Variants in GRM7 observed in about 807,000 individuals in gnomAD.
GRM7 encodes glutamate metabotropic receptor 7.
GRM7 carries 35 observed loss-of-function variants against 84.5 expected under a neutral mutation model. That is an observed-to-expected ratio of 0.41 (90% CI 0.32 to 0.55). The LOEUF is 0.55. GRM7 is among the 20% of genes least tolerant of loss of function. GRM7 has a pLI of 0.19. For missense variants in GRM7, 1,003 were observed against 1,194.6 expected (o/e 0.84, Z 2.36); for synonymous variants, 487 against 455.1 (o/e 1.07, Z -0.89).
At chr3:7,566,116 T>TTG (rs1559406797) in intron 7 of GRM7, among the ~76,000 whole-genome samples, 3 of 149,304 alleles carry the variant, frequency 2.0e-5, no homozygotes, top group Admixed American at 6.7e-5. Flanking sequence ...TTTTTTTTTT[T>TTG]TTTTTTTTTT....
intron 7 of GRM7, among the ~76,000 whole-genome samples, chr3:7,507,078 T>C (rs1700061951): frequency 6.6e-6 from 1 of 152,158 alleles, no homozygotes; most frequent in South Asian, 2.1e-4. Context: ...GCCTGACAGA[T>C]TGTGGGCATT....
At chr3:7,193,746 G>A (rs1354497808) in intron 2 of GRM7, among the ~76,000 whole-genome samples, 1 of 151,582 alleles carries the variant, frequency 6.6e-6, no homozygotes, top group Non-Finnish European at 1.5e-5. Flanking sequence ...GATTTATTAA[G>A]TTAAAAACAG....
chr3:7,680,855 A>G (rs929705533), intron 9 of GRM7: 2 of 154,614 alleles, frequency 1.3e-5, no homozygotes, highest in Non-Finnish European at 1.4e-5. Flanking sequence ...GGGGAAAAAC[A>G]TATCTACCAT....
chr3:7,000,168 CTTT>C (rs35703323), intron 1 of GRM7, among the ~76,000 whole-genome samples: 5 of 77,716 alleles, frequency 6.4e-5, no homozygotes, highest in African/African-American at 1.5e-4. Flanking sequence ...GAGGTTGTGA[CTTT>C]TTTTTTTTTT....
At chr3:6,967,231 C>T (rs1311709899) in intron 1 of GRM7, among the ~76,000 whole-genome samples, 2 of 152,046 alleles carry the variant, frequency 1.3e-5, no homozygotes, top group African/African-American at 4.8e-5. Flanking sequence ...CTCTGCCACC[C>T]AGGCTGGAAT....
intron 9 of GRM7, chr3:7,686,234 G>T: frequency 1.8e-6 from 1 of 541,062 alleles, no homozygotes; most frequent in Non-Finnish European, 3.4e-6. Context: ...CCCACCAAAA[G>T]AGTGGGCATG....
chr3:7,358,055 C>T (rs1216412422), intron 4 of GRM7, among the ~76,000 whole-genome samples: 4 of 152,194 alleles, frequency 2.6e-5, no homozygotes, highest in South Asian at 2.1e-4. Flanking sequence ...TCTTTTCCTC[C>T]GTTGCTCCAT....
chr3:7,567,345 G>A (rs1387183483), intron 7 of GRM7, among the ~76,000 whole-genome samples: 1 of 152,108 alleles, frequency 6.6e-6, no homozygotes, highest in Non-Finnish European at 1.5e-5. Context: ...CCAAACTTGG[G>A]GCTTTCCACC....
intron 4 of GRM7, among the ~76,000 whole-genome samples, chr3:7,359,540 G>T (rs1693571856): frequency 6.8e-6 from 1 of 147,034 alleles, no homozygotes; most frequent in Non-Finnish European, 1.5e-5. Context: ...TCACCATGTT[G>T]GCCAGGCTGG....
intron 1 of GRM7, among the ~76,000 whole-genome samples, chr3:6,948,042 TG>T (rs1201672203): frequency 1.7e-4 from 26 of 152,226 alleles, no homozygotes; most frequent in African/African-American, 5.5e-4. Context: ...GGGTTTATTG[TG>T]TCTCTATTTC....
chr3:7,686,968 G>GTAAT (rs1311728946), intron 9 of GRM7, among the ~76,000 whole-genome samples: 14 of 152,150 alleles, frequency 9.2e-5, no homozygotes, highest in Admixed American at 7.2e-4. Flanking sequence ...CTTTCCATCT[G>GTAAT]TAATTCAAAG....
intron 1 of GRM7, among the ~76,000 whole-genome samples, chr3:7,114,691 C>T (rs1692972275): frequency 6.6e-6 from 1 of 152,118 alleles, no homozygotes; most frequent in Non-Finnish European, 1.5e-5. Context: ...TTTCTTGGCA[C>T]TATCCAAACG....
At chr3:7,264,319 A>G (rs914515338) in intron 2 of GRM7, among the ~76,000 whole-genome samples, 3 of 152,014 alleles carry the variant, frequency 2.0e-5, no homozygotes, top group East Asian at 3.9e-4. Flanking sequence ...TCCACTACAG[A>G]CACTCCTGCG....
At chr3:7,662,264 A>T (rs1699495680) in intron 8 of GRM7, among the ~76,000 whole-genome samples, 1 of 152,212 alleles carries the variant, frequency 6.6e-6, no homozygotes, top group South Asian at 2.1e-4. Flanking sequence ...GGAGAAATAC[A>T]AAGAGGAATA....
chr3:7,193,517 T>C (rs962947199), intron 2 of GRM7, among the ~76,000 whole-genome samples: 2 of 152,104 alleles, frequency 1.3e-5, no homozygotes, highest in African/African-American at 2.4e-5. Flanking sequence ...CTGATTTCCA[T>C]TGTGCAAGTT....
At position 7,677,218 on chromosome 3, in the gene GRM7, C is replaced by T. The variant is rs572401048; in HGVS notation, c.2452-2831C>T. On this transcript the variant is annotated intron_variant, in intron 8 of 9. Coordinates refer to ENST00000357716, the MANE Select transcript of GRM7 (RefSeq NM_000844.4). ...CAGAGGTTGCAGTGAGCTGAGATCG[C>T]ACCACTGCTCTCCAACCTGGGCAAT... Among the ~76,000 whole-genome samples the T allele has an allele frequency of 4.3e-5, 6 of 138,078 alleles. No individual in the cohort carries two copies. In the South Asian group the frequency reaches 1.2e-3, roughly 27 times the overall value. 90.6% of individuals were successfully genotyped at this position (138,078 alleles called of 152,430 possible). A position where few individuals can be genotyped will look rare whatever the true frequency, so the allele number is the denominator to read the frequency against.
chr3:7,410,415 A>G (rs955344159), intron 4 of GRM7, among the ~76,000 whole-genome samples: 1 of 152,048 alleles, frequency 6.6e-6, no homozygotes, highest in South Asian at 2.1e-4. Flanking sequence ...TACAAAAAAA[A>G]TACAAAAATT....
chr3:7,130,555 GAAAAGAAA>G (rs1559459933), intron 1 of GRM7, among the ~76,000 whole-genome samples: 9 of 41,150 alleles, frequency 2.2e-4, no homozygotes, highest in Non-Finnish European at 4.4e-4. Context: ...AAAAAAAAAA[GAAAAGAAA>G]AAAAAAAAGG....
intron 5 of GRM7, among the ~76,000 whole-genome samples, chr3:7,422,558 C>G (rs896246964): frequency 6.6e-6 from 1 of 152,108 alleles, no homozygotes; most frequent in Non-Finnish European, 1.5e-5. Flanking sequence ...TCTGTCACTC[C>G]TGAATGTCTT....
Sources: gnomAD v4.1 joint callset for allele counts (sites outside exome capture counted in the v4.1 genomes callset) on GRCh38, gnomAD v4.1.1 for gene constraint, MANE v1.5 for transcripts, NCBI Gene and HGNC (gene_info 2026-07-23, HGNC 2026-07-21) for gene names.